Variants in BMPR1A observed in about 807,000 individuals in gnomAD.
The protein encoded by BMPR1A is bone morphogenetic protein receptor type-1A.
A neutral mutation model predicts 66.0 loss-of-function variants in BMPR1A; 7 were observed. The observed-to-expected ratio is 0.11, with a 90% CI of 0.06 to 0.20. BMPR1A has a LOEUF of 0.20. Ranked by LOEUF, BMPR1A falls within the 10% of genes least tolerant of loss-of-function variation. The pLI, the probability that BMPR1A is intolerant of heterozygous loss-of-function variation, is 1.00. For synonymous variants in BMPR1A, 200 were observed against 229.7 expected (o/e 0.87, Z 1.17); for missense variants, 408 against 669.1 (o/e 0.61, Z 4.31).
rs1589290669 is a variant in BMPR1A at position 86,917,175 on chromosome 10, A to G, written c.717A>G (p.Gln239=). The change falls in exon 9 of 13, where the codon CAA becomes CAG. Residue 239 remains glutamine, a synonymous_variant. Coordinates refer to ENST00000372037, the MANE Select transcript of BMPR1A (RefSeq NM_004329.3). ...TIAKQIQMVR[Q]VGKGRYGEVW... ...CCAAACAGATTCAGATGGTCCGGCA[A>G]GTTGGTAAAGGCCGATATGGAGAAG... The G allele has an allele frequency of 6.2e-7, 1 of 1,614,108 alleles. No homozygotes were observed. Among genetic ancestry groups the G allele is most frequent in the Non-Finnish European group, 8.5e-7 (1 of 1,180,008 alleles).
intron 8 of BMPR1A, among the ~76,000 whole-genome samples, chr10:86,915,554 C>A (rs1022369092): frequency 2.6e-5 from 4 of 151,988 alleles, no homozygotes; most frequent in African/African-American, 7.2e-5. Flanking sequence ...CATGGTGAAA[C>A]CCTGTCTCTA....
intron 1 of BMPR1A, among the ~76,000 whole-genome samples, chr10:86,802,424 A>C (rs1484418490): frequency 6.6e-6 from 1 of 152,226 alleles, no homozygotes; most frequent in Non-Finnish European, 1.5e-5. Flanking sequence ...TCTGAACTAC[A>C]TTAGTACTTT....
At chr10:86,867,955 T>C (rs1295464001) in intron 2 of BMPR1A, among the ~76,000 whole-genome samples, 2 of 152,194 alleles carry the variant, frequency 1.3e-5, no homozygotes, top group African/African-American at 2.4e-5. Context: ...TGATTGTTAA[T>C]TAATAATTGA....
intron 1 of BMPR1A, among the ~76,000 whole-genome samples, chr10:86,838,101 T>A (rs747614526): frequency 6.6e-6 from 1 of 152,144 alleles, no homozygotes; most frequent in African/African-American, 2.4e-5. Context: ...ATTTTTAAGA[T>A]CGCAAAGTAA....
intron 2 of BMPR1A, among the ~76,000 whole-genome samples, chr10:86,875,598 G>A (rs1842910852): frequency 1.3e-5 from 2 of 151,862 alleles, no homozygotes; most frequent in South Asian, 4.2e-4. Context: ...AATTAGAACA[G>A]CCAGAAAGGA....
intron 3 of BMPR1A, among the ~76,000 whole-genome samples, chr10:86,888,049 A>G (rs1843091942): frequency 6.6e-6 from 1 of 152,066 alleles, no homozygotes; most frequent in Non-Finnish European, 1.5e-5. Context: ...ATCAGATCCA[A>G]CGGAAGCCTT....
chr10:86,895,224 T>G (rs1843209586), intron 5 of BMPR1A, among the ~76,000 whole-genome samples: 1 of 152,194 alleles, frequency 6.6e-6, no homozygotes, highest in South Asian at 2.1e-4. Flanking sequence ...AGCATATGCT[T>G]TGGAAGGACT....
intron 1 of BMPR1A, among the ~76,000 whole-genome samples, chr10:86,783,400 A>G (rs10887654): frequency 0.28 from 43,083 of 152,076 alleles, 7,575 homozygotes; most frequent in East Asian, 0.73. Flanking sequence ...CTGAAATTTG[A>G]TAGAGATTGC....
chr10:86,816,609 C>T (rs995391325), intron 1 of BMPR1A, among the ~76,000 whole-genome samples: 2 of 152,210 alleles, frequency 1.3e-5, no homozygotes, highest in African/African-American at 4.8e-5. Flanking sequence ...CTGTCCATGT[C>T]CTTTTTCCAC....
chr10:86,856,385 C>T (rs1009221373), intron 2 of BMPR1A: 3 of 310,512 alleles, frequency 9.7e-6, no homozygotes, highest in Admixed American at 4.4e-5. Context: ...TCCAGAGTCT[C>T]GCCCCGAGGC....
chr10:86,794,297 T>C (rs1841673898), intron 1 of BMPR1A, among the ~76,000 whole-genome samples: 1 of 152,216 alleles, frequency 6.6e-6, no homozygotes, highest in Admixed American at 6.5e-5. Context: ...GGTCCTGGCC[T>C]GAATCTTGTT....
chr10:86,855,705 G>T (rs1842631259), intron 2 of BMPR1A: 1 of 755,646 alleles, frequency 1.3e-6, no homozygotes, highest in Non-Finnish European at 2.3e-6. Flanking sequence ...ACTACTGTCT[G>T]TTCTTTGTGT....
chr10:86,856,102 A>G (rs1842636723), intron 2 of BMPR1A: 1 of 529,880 alleles, frequency 1.9e-6, no homozygotes, highest in Admixed American at 2.3e-5. Flanking sequence ...TCTTTCAGTA[A>G]TATCATAGAC....
intron 1 of BMPR1A, among the ~76,000 whole-genome samples, chr10:86,784,309 A>C (rs779463359): frequency 4.6e-5 from 7 of 152,122 alleles, no homozygotes; most frequent in Non-Finnish European, 8.8e-5. Flanking sequence ...TTTTATCATG[A>C]AAGGTGTTGA....
rs879569249 is a variant in BMPR1A at position 86,925,719 on chromosome 10, A to ACCTTTTTTTTTTTTTTT, written c.*2000_*2001insCCTTTTTTTTTTTTTTT. 1 of 123,450 alleles carries ACCTTTTTTTTTTTTTTT rather than the reference A, an allele frequency of 8.1e-6. No individual in the cohort carries two copies. Among genetic ancestry groups the ACCTTTTTTTTTTTTTTT allele is most frequent in the African/African-American group, 5.2e-5 (1 of 19,226 alleles). 7.6% of individuals were successfully genotyped at this position (123,450 alleles called of 1,614,324 possible). ...ACCATAATCTTTAAAATCATTTGTC[A>ACCTTTTTTTTTTTTTTT]TCTTTTTTTTTTTTTTTTTGAGACG... On this transcript the variant is annotated 3_prime_UTR_variant, in exon 13 of 13. Coordinates refer to ENST00000372037, the MANE Select transcript of BMPR1A (RefSeq NM_004329.3).
At chr10:86,757,608 G>C (rs112933023) in intron 1 of BMPR1A, among the ~76,000 whole-genome samples, 3 of 152,346 alleles carry the variant, frequency 2.0e-5, no homozygotes, top group African/African-American at 7.2e-5. Context: ...TCTGGCGTTT[G>C]AGCGTGGTAC....
At chr10:86,823,239 A>C (rs755422402) in intron 1 of BMPR1A, among the ~76,000 whole-genome samples, 2 of 152,216 alleles carry the variant, frequency 1.3e-5, no homozygotes, top group Non-Finnish European at 2.9e-5. Flanking sequence ...TCCCGTATAA[A>C]CTTCTAATTA....
intron 2 of BMPR1A, among the ~76,000 whole-genome samples, chr10:86,865,930 T>C (rs1421839374): frequency 2.6e-5 from 4 of 152,182 alleles, no homozygotes; most frequent in Non-Finnish European, 4.4e-5. Flanking sequence ...ACTGAGATCC[T>C]GAGTAGTAGG....
chr10:86,860,285 T>C lies in BMPR1A; in HGVS notation c.-152-15582T>C, dbSNP rs185221860. On this transcript the variant is annotated intron_variant, in intron 2 of 12. Coordinates refer to ENST00000372037, the MANE Select transcript of BMPR1A (RefSeq NM_004329.3). The stretch of plus-strand genomic sequence containing the variant: ...ATCATGGAAATACTTCACAGTGTTA[T>C]GTGAACAAAATTAAAGCATTATATA... Among the ~76,000 whole-genome samples the C allele has an allele frequency of 7.9e-3, 1,197 of 152,334 alleles. 7 individuals are homozygous for C. The highest frequency in any genetic ancestry group is 0.014 in the Non-Finnish European group (925 of 68,022).
Sources: gnomAD v4.1 joint callset for allele counts (sites outside exome capture counted in the v4.1 genomes callset) on GRCh38, gnomAD v4.1.1 for gene constraint, MANE v1.5 for transcripts, NCBI Gene and HGNC (gene_info 2026-07-23, HGNC 2026-07-21) for gene names.